Variants in TP53BP2 observed in about 807,000 individuals in gnomAD.
The protein encoded by TP53BP2 is tumor protein p53 binding protein 2.
TP53BP2 carries 62 observed loss-of-function variants against 126.2 expected under a neutral mutation model. The observed-to-expected ratio is 0.49, with a 90% CI of 0.40 to 0.61. The LOEUF is 0.61. Ranked by LOEUF, TP53BP2 falls within the 20% of genes least tolerant of loss-of-function variation. TP53BP2 has a pLI of 0.00. For synonymous variants in TP53BP2, 485 were observed against 502.9 expected (o/e 0.96, Z 0.48); for missense variants, 1,215 against 1,402.8 (o/e 0.87, Z 2.14).
At chr1:223,784,831 T>C (rs1190899090) in intron 16 of TP53BP2, among the ~76,000 whole-genome samples, 1 of 152,180 alleles carries the variant, frequency 6.6e-6, no homozygotes, top group Non-Finnish European at 1.5e-5. Context: ...AAAAAATATA[T>C]ATAGAATATG....
In TP53BP2 at chr1:223,804,284, T is replaced by C. The variant is rs142013134; in HGVS notation, c.539A>G (p.Glu180Gly). The part of the protein sequence containing the change: ...QRQQQQVAEQ[E>G]KLKRLKEIAE... Reference sequence around the variant, plus strand: ...TATTTCTTTTAGCCTTTTAAGTTTCTCCTGCTCAGCAACTTGTTGCTGTTG... The same window carrying C: ...TATTTCTTTTAGCCTTTTAAGTTTCCCCTGCTCAGCAACTTGTTGCTGTTG... The change falls in exon 6 of 18, where the codon GAG (glutamate) becomes GGG (glycine). Residue 180 changes from glutamate to glycine, a missense_variant. By Grantham distance (98) the Glu-to-Gly change is moderately conservative. Transcript: ENST00000343537. 4.3e-6 allele frequency: 7 copies of C among 1,614,046 alleles called. No individual in the cohort carries two copies. In the African/African-American group the frequency reaches 9.3e-5, roughly 22 times the overall value.
At chr1:223,801,413 A>G (rs532399190) in intron 9 of TP53BP2, among the ~76,000 whole-genome samples, 18 of 152,210 alleles carry the variant, frequency 1.2e-4, no homozygotes, top group Non-Finnish European at 1.8e-4. Context: ...TTTTTTGCAT[A>G]TGATAATTGT....
At chr1:223,781,853 C>A (rs1268117871) in intron 17 of TP53BP2, among the ~76,000 whole-genome samples, 1 of 151,558 alleles carries the variant, frequency 6.6e-6, no homozygotes, top group African/African-American at 2.4e-5. Flanking sequence ...GTAGAGGATA[C>A]TTCTAACAAG....
intron 2 of TP53BP2, chr1:223,820,972 G>A: frequency 1.8e-6 from 1 of 548,216 alleles, no homozygotes; most frequent in Non-Finnish European, 3.3e-6. Context: ...ACCATCCACT[G>A]GACCACAACA....
chr1:223,802,978 T>G, intron 7 of TP53BP2, 83 bp from the exon 8 acceptor site: 1 of 1,431,838 alleles, frequency 7.0e-7, no homozygotes, highest in Non-Finnish European at 9.5e-7. Flanking sequence ...TTAACTATTA[T>G]ATAATTTCTA....
At chr1:223,809,782 A>T (rs1002044557) in intron 4 of TP53BP2, among the ~76,000 whole-genome samples, 1 of 152,098 alleles carries the variant, frequency 6.6e-6, no homozygotes, top group Admixed American at 6.5e-5. Flanking sequence ...TATACCAAAG[A>T]TGCATGCTCA....
At chr1:223,781,672 T>G (rs1204341490) in intron 17 of TP53BP2, among the ~76,000 whole-genome samples, 1 of 152,074 alleles carries the variant, frequency 6.6e-6, no homozygotes, top group African/African-American at 2.4e-5. Flanking sequence ...GAGTCAGACT[T>G]CCAGTTAAAA....
intron 1 of TP53BP2, among the ~76,000 whole-genome samples, chr1:223,843,252 C>T (rs533373976): frequency 1.3e-5 from 2 of 151,874 alleles, no homozygotes; most frequent in Non-Finnish European, 2.9e-5. Flanking sequence ...CGGCTCACTG[C>T]AACCTCCACC....
intron 2 of TP53BP2, among the ~76,000 whole-genome samples, chr1:223,820,586 A>C (rs988863207): frequency 6.6e-6 from 1 of 152,170 alleles, no homozygotes; most frequent in Non-Finnish European, 1.5e-5. Context: ...GCATGAACTC[A>C]ATTAACACAG....
chr1:223,817,752 T>C (rs547838471), intron 2 of TP53BP2, among the ~76,000 whole-genome samples: 39 of 151,758 alleles, frequency 2.6e-4, no homozygotes, highest in African/African-American at 9.4e-4. Context: ...ATGGTGAAAC[T>C]CCATCTCTAC....
intron 17 of TP53BP2, 91 bp from the exon 18 acceptor site, chr1:223,780,985 G>A: frequency 8.2e-7 from 1 of 1,216,348 alleles, no homozygotes; most frequent in Non-Finnish European, 1.2e-6. Flanking sequence ...GGGGACAGAT[G>A]TCATGGGAAG....
rs527297637 is a variant in TP53BP2, at chr1:223,799,991, T to C, written c.1393A>G (p.Met465Val). 11 of 1,613,112 alleles carry C rather than the reference T, an allele frequency of 6.8e-6. No individual in the cohort carries two copies. The highest frequency in any genetic ancestry group is 2.5e-6 in the Non-Finnish European group (3 of 1,179,680). ...TTGGACTGGTCTACTGCATCAAACA[T>C]TGAGAACGGACGCACTTTCTTCTCT... ...EKEKKVRPFS[M>V]FDAVDQSNAP... The change falls in exon 11 of 18, where the codon ATG becomes GTG. Residue 465 changes from methionine to valine, a missense_variant. Met to Val is a conservative substitution (Grantham distance 21). Coordinates refer to ENST00000343537, the MANE Select transcript of TP53BP2 (RefSeq NM_001031685.3).
chr1:223,815,361 T>C (rs1219932501), intron 2 of TP53BP2, among the ~76,000 whole-genome samples: 1 of 152,110 alleles, frequency 6.6e-6, no homozygotes, highest in Non-Finnish European at 1.5e-5. Context: ...TAATCCCCTT[T>C]TATAAACCAC....
At chr1:223,838,146 A>G (rs1663984359) in intron 1 of TP53BP2, among the ~76,000 whole-genome samples, 1 of 151,794 alleles carries the variant, frequency 6.6e-6, no homozygotes. Context: ...TTTAACTCTC[A>G]TGTTTTTCTT....
At chr1:223,793,511 G>T in intron 13 of TP53BP2, 71 bp from the exon 14 acceptor site, 1 of 1,398,310 alleles carries the variant, frequency 7.2e-7, no homozygotes, top group Non-Finnish European at 9.4e-7. Context: ...AAATGGGAAG[G>T]AATGACTTCT....
chr1:223,830,849 A>C (rs1157195656), intron 1 of TP53BP2, among the ~76,000 whole-genome samples: 2 of 152,244 alleles, frequency 1.3e-5, no homozygotes, highest in Non-Finnish European at 1.5e-5. Flanking sequence ...CTGTAATCCC[A>C]GAACTTTGGG....
Position 223,832,137 on chromosome 1 carries a change from G to A in TP53BP2, c.28-10770C>T, listed in dbSNP as rs372454208. 3.5e-4 allele frequency among the ~76,000 whole-genome samples: 54 copies of A among 152,238 alleles called. No homozygotes were observed. In the South Asian group the frequency reaches 7.0e-3, roughly 20 times the overall value. Reference sequence around the variant, plus strand: ...TCAGAAAATCATGTGAAGTTCTACAGAAAGAAGAAAGGAACCAAGAGTATA... The same window carrying A: ...TCAGAAAATCATGTGAAGTTCTACAAAAAGAAGAAAGGAACCAAGAGTATA... On this transcript the variant is annotated intron_variant, in intron 1 of 17. Coordinates refer to ENST00000343537, the MANE Select transcript of TP53BP2 (RefSeq NM_001031685.3).
intron 1 of TP53BP2, among the ~76,000 whole-genome samples, chr1:223,840,708 C>T (rs953973466): frequency 6.6e-6 from 1 of 152,118 alleles, no homozygotes; most frequent in Non-Finnish European, 1.5e-5. Context: ...TCTGCTGAGG[C>T]GGTGGGGATA....
At chr1:223,799,665 G>A (rs1477825679) in intron 11 of TP53BP2, among the ~76,000 whole-genome samples, 1 of 152,096 alleles carries the variant, frequency 6.6e-6, no homozygotes, top group Non-Finnish European at 1.5e-5. Context: ...ATACTTTTTA[G>A]AGAATCACAT....
Sources: gnomAD v4.1 joint callset for allele counts (sites outside exome capture counted in the v4.1 genomes callset) on GRCh38, gnomAD v4.1.1 for gene constraint, MANE v1.5 for transcripts, NCBI Gene and HGNC (gene_info 2026-07-23, HGNC 2026-07-21) for gene names.